The following FAM24B variants were observed in gnomAD, a reference collection of about 807,000 sequenced individuals.
FAM24B encodes family with sequence similarity 24 member B.
FAM24B carries 3 observed loss-of-function variants against 2.3 expected under a neutral mutation model. The observed-to-expected ratio is 1.29, with a 90% CI of 0.59 to 3.32. FAM24B has a LOEUF of 3.32. FAM24B is among the 30% of genes most tolerant of loss of function. FAM24B has a pLI of 0.03. For synonymous variants in FAM24B, 36 were observed against 46.3 expected (o/e 0.78, Z 0.90); for missense variants, 98 against 117.2 (o/e 0.84, Z 0.76).
At chr10:122,850,584 A>G (rs1023947409) in intron 2 of FAM24B, 34 bp from the exon 3 acceptor site, 7 of 1,120,812 alleles carry the variant, frequency 6.2e-6, no homozygotes, top group Non-Finnish European at 8.2e-6. Context: ...CACTGAGCCC[A>G]CGTGGTCTCC....
chr10:122,854,400 C>T (rs1290041367), intron 2 of FAM24B, among the ~76,000 whole-genome samples: 2 of 152,166 alleles, frequency 1.3e-5, no homozygotes, highest in Non-Finnish European at 2.9e-5. Context: ...GGACCTAGTT[C>T]TATAATCCTT....
At chr10:122,873,877 T>A (rs566099999) in intron 1 of FAM24B, among the ~76,000 whole-genome samples, 4 of 152,364 alleles carry the variant, frequency 2.6e-5, no homozygotes, top group South Asian at 4.1e-4. Flanking sequence ...TCGAGCCAAG[T>A]GTTATTTTAG....
intron 1 of FAM24B, among the ~76,000 whole-genome samples, chr10:122,868,433 C>T (rs1302401198): frequency 2.0e-5 from 3 of 152,068 alleles, no homozygotes; most frequent in Non-Finnish European, 2.9e-5. Context: ...ATATAGAGAA[C>T]GCCACAAAGA....
chr10:122,856,329 A>G (rs1008367661), intron 1 of FAM24B, among the ~76,000 whole-genome samples: 4 of 152,164 alleles, frequency 2.6e-5, no homozygotes, highest in Non-Finnish European at 5.9e-5. Flanking sequence ...GTGAAAAGCC[A>G]AATATCATCT....
rs527526874 is a variant in FAM24B at position 122,879,576 on chromosome 10, C to A, written c.-269G>T. On this transcript the variant is annotated 5_prime_UTR_variant, in exon 1 of 4. Transcript: ENST00000368898. ...TCGAAAAACCGCCGTGGTGCCCGCGCACAGTGCACCGCGCCTGCGCATGGT... is the reference window on the plus strand; with the variant it reads ...TCGAAAAACCGCCGTGGTGCCCGCGAACAGTGCACCGCGCCTGCGCATGGT... 5.2e-5 allele frequency: 8 copies of A among 152,802 alleles called. No homozygotes were observed. Among genetic ancestry groups the A allele is most frequent in the African/African-American group, 1.9e-4 (8 of 41,606 alleles). 9.5% of individuals were successfully genotyped at this position (152,802 alleles called of 1,614,324 possible). A position where few individuals can be genotyped will look rare whatever the true frequency, so the allele number is the denominator to read the frequency against.
At chr10:122,873,501 T>C (rs1265838088) in intron 1 of FAM24B, among the ~76,000 whole-genome samples, 2 of 152,248 alleles carry the variant, frequency 1.3e-5, no homozygotes, top group African/African-American at 2.4e-5. Context: ...AGAGCTCGGA[T>C]GGTGATGTAC....
At chr10:122,877,918 T>C (rs1848002316) in intron 1 of FAM24B, among the ~76,000 whole-genome samples, 2 of 152,214 alleles carry the variant, frequency 1.3e-5, no homozygotes, top group African/African-American at 4.8e-5. Context: ...ACAACAAACC[T>C]ATACTCAATC....
chr10:122,866,961 C>T (rs1030036147), intron 1 of FAM24B, among the ~76,000 whole-genome samples: 4 of 152,142 alleles, frequency 2.6e-5, no homozygotes, highest in African/African-American at 9.7e-5. Flanking sequence ...GACAACTAGG[C>T]CTCTTGCATG....
intron 2 of FAM24B, among the ~76,000 whole-genome samples, chr10:122,851,958 T>C (rs931579723): frequency 3.9e-5 from 6 of 151,910 alleles, no homozygotes; most frequent in Non-Finnish European, 7.4e-5. Context: ...ATAACTGAAA[T>C]GAAAAATTCA....
intron 3 of FAM24B, 136 bp from the exon 4 acceptor site, chr10:122,849,575 T>C: frequency 1.5e-6 from 1 of 667,486 alleles, no homozygotes; most frequent in Non-Finnish European, 2.4e-6. Flanking sequence ...ATTAAAGCTC[T>C]CTCCCCCATC....
At chr10:122,854,148 C>G (rs182338803) in intron 2 of FAM24B, among the ~76,000 whole-genome samples, 2 of 152,338 alleles carry the variant, frequency 1.3e-5, no homozygotes, top group Non-Finnish European at 2.9e-5. Flanking sequence ...TCAGACATAG[C>G]AGTTAAACCC....
chr10:122,878,274 T>C (rs1848010927), intron 1 of FAM24B, among the ~76,000 whole-genome samples: 1 of 152,170 alleles, frequency 6.6e-6, no homozygotes, highest in Non-Finnish European at 1.5e-5. Flanking sequence ...GGCTCACGCT[T>C]GTAATCCCAG....
At chr10:122,869,362 T>A (rs1382490585) in intron 1 of FAM24B, among the ~76,000 whole-genome samples, 2 of 152,120 alleles carry the variant, frequency 1.3e-5, no homozygotes, top group Non-Finnish European at 2.9e-5. Context: ...ACTGTCAACA[T>A]TAGGCAGATC....
chr10:122,870,948 G>A (rs1362423502), intron 1 of FAM24B, among the ~76,000 whole-genome samples: 1 of 152,106 alleles, frequency 6.6e-6, no homozygotes, highest in East Asian at 1.9e-4. Context: ...CAATCAGGCA[G>A]AAGAAGGAAA....
At chr10:122,852,829 G>A (rs1847566392) in intron 2 of FAM24B, among the ~76,000 whole-genome samples, 1 of 152,162 alleles carries the variant, frequency 6.6e-6, no homozygotes, top group South Asian at 2.1e-4. Flanking sequence ...AGTTGGGATA[G>A]GGCCATAGCT....
chr10:122,871,634 G>A lies in FAM24B; in HGVS notation c.-178+7851C>T, dbSNP rs182971878. On this transcript the variant is annotated intron_variant, in intron 1 of 3. Transcript: ENST00000368898. The stretch of plus-strand genomic sequence containing the variant: ...ACAGAGCCCTCAGAAATAATGCCGC[G>A]TATCTACAACTATCTGATCTTTGAC... Among the ~76,000 whole-genome samples the A allele has an allele frequency of 8.6e-3, 1,303 of 152,038 alleles. 23 individuals are homozygous for A. Among genetic ancestry groups the A allele is most frequent in the African/African-American group, 0.029 (1,196 of 41,432 alleles).
intron 1 of FAM24B, among the ~76,000 whole-genome samples, chr10:122,867,028 T>C (rs1245349645): frequency 6.6e-6 from 1 of 152,260 alleles, no homozygotes; most frequent in African/African-American, 2.4e-5. Context: ...TTAAAAGTGC[T>C]ACTCCAGTGA....
intron 1 of FAM24B, among the ~76,000 whole-genome samples, chr10:122,856,364 A>G (rs572096533): frequency 7.2e-5 from 11 of 152,016 alleles, no homozygotes; most frequent in African/African-American, 2.7e-4. Context: ...AGACAGTGCC[A>G]ATTATGTTCC....
At chr10:122,855,961 G>A (rs779816451) in intron 1 of FAM24B, among the ~76,000 whole-genome samples, 175 bp from the exon 2 acceptor site, 1 of 152,228 alleles carries the variant, frequency 6.6e-6, no homozygotes, top group African/African-American at 2.4e-5. Context: ...ACAAGGCAGC[G>A]CTGACGCACA....
Sources: allele counts gnomAD v4.1 joint callset (sites outside exome capture counted in the v4.1 genomes callset), GRCh38; gene constraint gnomAD v4.1.1; transcripts MANE v1.5; gene names NCBI Gene and HGNC (gene_info 2026-07-23, HGNC 2026-07-21).